Variants in MEF2A observed in about 807,000 individuals in gnomAD.
MEF2A encodes myocyte-specific enhancer factor 2A.
A neutral mutation model predicts 55.8 loss-of-function variants in MEF2A; 28 were observed. The observed-to-expected ratio is 0.50, with a 90% CI of 0.37 to 0.69. The LOEUF (loss-of-function observed/expected upper bound fraction) is 0.69, where lower values mean the gene tolerates loss of function less well. Among genes scored for constraint, MEF2A ranks in the 30% least tolerant of loss-of-function variants. MEF2A has a pLI of 0.00. For missense variants in MEF2A, 528 were observed against 626.2 expected (o/e 0.84, Z 1.67); for synonymous variants, 239 against 227.1 (o/e 1.05, Z -0.47).
At chr15:99,585,842 A>G (rs1967041671) in intron 1 of MEF2A, among the ~76,000 whole-genome samples, 1 of 152,066 alleles carries the variant, frequency 6.6e-6, no homozygotes, top group Admixed American at 6.5e-5. Context: ...ATAGCTTTCC[A>G]GTGTTGAGGA....
intron 7 of MEF2A, 49 bp downstream of exon 7, chr15:99,675,507 G>A (rs748325153): frequency 6.8e-7 from 1 of 1,461,918 alleles, no homozygotes; most frequent in Admixed American, 1.8e-5. Flanking sequence ...TCCTATATGA[G>A]ATCAAAGGAA....
In MEF2A at chr15:99,712,945, C is replaced by T; in HGVS notation, c.*174C>T. 2 of 770,822 alleles carry T rather than the reference C, an allele frequency of 2.6e-6. No individual in the cohort carries two copies. Among genetic ancestry groups the T allele is most frequent in the Non-Finnish European group, 4.0e-6 (2 of 495,126 alleles). The allele number at this position is 770,822 out of a possible 1,614,324, so 47.7% of individuals were successfully genotyped here. A position where few individuals can be genotyped will look rare whatever the true frequency, so the allele number is the denominator to read the frequency against. ...TGTATGTGTGGGTGTGTGTTACATA[C>T]ACAGAATCAGGCACTTACCTGCAAA... On this transcript the variant is annotated 3_prime_UTR_variant, in exon 12 of 12. Coordinates refer to ENST00000557942, the MANE Select transcript of MEF2A (RefSeq NM_001319206.4). This position sits in a 1 kb window ranked among gnomAD's most constrained non-coding sequence, Gnocchi z 4.1.
chr15:99,629,675 T>TG lies in MEF2A; in HGVS notation c.-142-3298dup, dbSNP rs369217689. 3.0e-3 allele frequency among the ~76,000 whole-genome samples: 453 copies of TG among 151,956 alleles called. 3 individuals are homozygous for TG. The highest frequency in any genetic ancestry group is 0.01 in the African/African-American group (424 of 41,418). On this transcript the variant is annotated intron_variant, in intron 2 of 11. Coordinates refer to ENST00000557942, the MANE Select transcript of MEF2A (RefSeq NM_001319206.4). ...GGAGAAAAAGGGAAAAAGGCCGGGG[T>TG]GGGGGTACTATGAGTTAAAGAATAA...
intron 4 of MEF2A, among the ~76,000 whole-genome samples, chr15:99,650,151 C>T (rs1444232919): frequency 6.6e-6 from 1 of 151,962 alleles, no homozygotes; most frequent in East Asian, 1.9e-4. Context: ...CTCATTTAAG[C>T]TTCATATTCA....
At chr15:99,584,181 G>A (rs1483287515) in intron 1 of MEF2A, among the ~76,000 whole-genome samples, 1 of 152,136 alleles carries the variant, frequency 6.6e-6, no homozygotes, top group Non-Finnish European at 1.5e-5. Flanking sequence ...TGTGACCACC[G>A]TCATTTATGT....
intron 4 of MEF2A, among the ~76,000 whole-genome samples, chr15:99,659,904 T>A (rs1478988568): frequency 1.3e-5 from 2 of 152,062 alleles, no homozygotes; most frequent in African/African-American, 2.4e-5. Flanking sequence ...AATAGAAAAA[T>A]TGAATAATCT....
intron 8 of MEF2A, among the ~76,000 whole-genome samples, chr15:99,694,653 C>T (rs544867881): frequency 6.6e-6 from 1 of 152,204 alleles, no homozygotes; most frequent in South Asian, 2.1e-4. Flanking sequence ...TGTGAAGTTA[C>T]TCTTTCTCCC....
At chr15:99,616,343 T>C (rs1178975075) in intron 2 of MEF2A, among the ~76,000 whole-genome samples, 2 of 152,192 alleles carry the variant, frequency 1.3e-5, no homozygotes, top group Non-Finnish European at 2.9e-5. Flanking sequence ...TTTTTGTCAA[T>C]AGTTAATTGT....
intron 8 of MEF2A, among the ~76,000 whole-genome samples, chr15:99,699,817 G>A (rs1417428912): frequency 6.6e-6 from 1 of 151,922 alleles, no homozygotes; most frequent in Non-Finnish European, 1.5e-5. Context: ...ATAAACAAAT[G>A]GACATTGTAG....
At chr15:99,619,387 C>T (rs921697369) in intron 2 of MEF2A, among the ~76,000 whole-genome samples, 2 of 152,140 alleles carry the variant, frequency 1.3e-5, no homozygotes, top group African/African-American at 2.4e-5. Context: ...TGTCTTGGCT[C>T]CAGTATTTAG....
intron 5 of MEF2A, among the ~76,000 whole-genome samples, chr15:99,672,645 T>G (rs1299002402): frequency 6.6e-6 from 1 of 152,238 alleles, no homozygotes. Context: ...AGGTTGGGTA[T>G]TCCTTATTGG....
chr15:99,632,549 TA>T (rs2043115037), intron 2 of MEF2A, among the ~76,000 whole-genome samples: 1 of 152,198 alleles, frequency 6.6e-6, no homozygotes, highest in Admixed American at 6.5e-5. Flanking sequence ...CTCTGCCCCT[TA>T]CTACGTGACC....
At position 99,582,652 on chromosome 15, in the gene MEF2A, T is replaced by G. The variant is rs138416669; in HGVS notation, c.-224-15778T>G. ...TTACAAATGACTCAGGATTTTACGC[T>G]TTGCAAAGTCGCTATTCATCTAGCA... On this transcript the variant is annotated intron_variant, in intron 1 of 11. Transcript: ENST00000557942. Among the ~76,000 whole-genome samples, 24 of 152,232 alleles carry G rather than the reference T, an allele frequency of 1.6e-4. No individual in the cohort carries two copies. The East Asian group carries it at 4.4e-3, about 28-fold the overall frequency.
At chr15:99,583,973 A>G (rs762448691) in intron 1 of MEF2A, among the ~76,000 whole-genome samples, 29 of 152,150 alleles carry the variant, frequency 1.9e-4, no homozygotes, top group Non-Finnish European at 3.8e-4. Context: ...CACCTAGGCT[A>G]TATTTGGTAT....
intron 11 of MEF2A, 119 bp downstream of exon 11, chr15:99,710,879 T>C: frequency 8.5e-7 from 1 of 1,170,086 alleles, no homozygotes; most frequent in South Asian, 1.6e-5. Flanking sequence ...ATGATTCCTT[T>C]TCAGGTAGAT....
At chr15:99,628,980 T>TTTTTTG (rs1555463919) in intron 2 of MEF2A, among the ~76,000 whole-genome samples, 4 of 143,936 alleles carry the variant, frequency 2.8e-5, no homozygotes, top group Admixed American at 6.9e-5. Flanking sequence ...TTTTTTTTTT[T>TTTTTTG]GTCAGATACA....
chr15:99,663,568 TTAAC>T (rs1312536453), intron 4 of MEF2A, among the ~76,000 whole-genome samples: 2 of 151,948 alleles, frequency 1.3e-5, no homozygotes, highest in African/African-American at 4.8e-5. Context: ...AGTTTTATAT[TTAAC>T]TATTTTTTAT....
chr15:99,598,568 ATCAGGCTGT>A (rs1212791523), intron 2 of MEF2A, 57 bp downstream of exon 2: 1 of 152,114 alleles, frequency 6.6e-6, no homozygotes, highest in African/African-American at 2.4e-5. Context: ...TATTTTAAAA[ATCAGGCTGT>A]TCTTGTGAGA....
chr15:99,679,361 A>G (rs1208272661), intron 7 of MEF2A, among the ~76,000 whole-genome samples: 1 of 152,252 alleles, frequency 6.6e-6, no homozygotes, highest in Non-Finnish European at 1.5e-5. Flanking sequence ...ATAAGAGTAC[A>G]TTCATATGAA....
Sources: allele counts gnomAD v4.1 joint callset (sites outside exome capture counted in the v4.1 genomes callset), GRCh38; gene constraint gnomAD v4.1.1; non-coding constraint Gnocchi (gnomAD v3.1); transcripts MANE v1.5; gene names NCBI Gene and HGNC (gene_info 2026-07-23, HGNC 2026-07-21).